The following REDIC1 variants were observed in gnomAD, a reference collection of about 807,000 sequenced individuals.
REDIC1 encodes HEI10 Interacting Protein 1.
the REDIC1 span, among the ~76,000 whole-genome samples, chr12:39,834,652 C>A: frequency 7.2e-5 from 11 of 151,918 alleles, no homozygotes; most frequent in African/African-American, 2.7e-4. Flanking sequence ...CTTTCCATTC[C>A]AAGGAGTGGG....
At chr12:39,815,726 A>C in the REDIC1 span, among the ~76,000 whole-genome samples, 13 of 152,350 alleles carry the variant, frequency 8.5e-5, no homozygotes, top group African/African-American at 3.1e-4. Context: ...GCAATAGCTG[A>C]AAAGTATCTT....
chr12:39,861,902 T>C, the REDIC1 span, among the ~76,000 whole-genome samples: 5 of 152,294 alleles, frequency 3.3e-5, no homozygotes, highest in South Asian at 1.0e-3. Context: ...CCAGGATACA[T>C]GTGCAGGACG....
chr12:39,634,520 AAAAC>A, the REDIC1 span, among the ~76,000 whole-genome samples: 5 of 152,222 alleles, frequency 3.3e-5, no homozygotes, highest in African/African-American at 1.2e-4. Context: ...AAACCTGACA[AAAAC>A]AAGCAATGGG....
chr12:39,822,407 T>C, the REDIC1 span, among the ~76,000 whole-genome samples: 1 of 152,178 alleles, frequency 6.6e-6, no homozygotes, highest in South Asian at 2.1e-4. Context: ...AAAAAACAAA[T>C]TAAAATATCT....
the REDIC1 span, among the ~76,000 whole-genome samples, chr12:39,804,086 C>T: frequency 6.6e-6 from 1 of 151,910 alleles, no homozygotes. Flanking sequence ...AATGTAAACA[C>T]ACGTGACTTG....
At chr12:39,868,870 A>T in the REDIC1 span, among the ~76,000 whole-genome samples, 4 of 152,212 alleles carry the variant, frequency 2.6e-5, no homozygotes, top group Non-Finnish European at 5.9e-5. Context: ...ACTTCTTTGT[A>T]TAAAGAGTTC....
the REDIC1 span, among the ~76,000 whole-genome samples, chr12:39,675,378 G>C: frequency 2.6e-5 from 4 of 151,856 alleles, no homozygotes; most frequent in African/African-American, 9.7e-5. Context: ...GGAACTCTAT[G>C]GCCCCACCTA....
the REDIC1 span, among the ~76,000 whole-genome samples, chr12:39,871,535 C>T: frequency 2.0e-5 from 3 of 151,834 alleles, no homozygotes; most frequent in Admixed American, 1.3e-4. Context: ...GAGTGGAACT[C>T]AAGTAACAGA....
At chr12:39,693,278 T>C in the REDIC1 span, among the ~76,000 whole-genome samples, 1 of 152,138 alleles carries the variant, frequency 6.6e-6, no homozygotes, top group Non-Finnish European at 1.5e-5. Context: ...AGGTATTCTA[T>C]GCTAGCATAG....
At chr12:39,902,093 CA>C in the REDIC1 span, among the ~76,000 whole-genome samples, 2 of 148,752 alleles carry the variant, frequency 1.3e-5, no homozygotes, top group Non-Finnish European at 3.0e-5. Flanking sequence ...ATCGCAAGGA[CA>C]AAAAACCAAA....
At chr12:39,716,785 A>C in the REDIC1 span, 1 of 1,603,538 alleles carries the variant, frequency 6.2e-7, no homozygotes, top group East Asian at 2.3e-5. Context: ...TAGTCGGTCT[A>C]CTAGTTACTC....
chr12:39,902,359 A>T, the REDIC1 span, among the ~76,000 whole-genome samples: 63 of 151,748 alleles, frequency 4.2e-4, no homozygotes, highest in African/African-American at 1.5e-3. Flanking sequence ...AATAAAAATT[A>T]AAAAAAAGAA....
At chr12:39,661,495 G>A in the REDIC1 span, among the ~76,000 whole-genome samples, 1 of 151,580 alleles carries the variant, frequency 6.6e-6, no homozygotes, top group Non-Finnish European at 1.5e-5. Context: ...ACTTTTTAAC[G>A]GGTTGTTTGT....
chr12:39,862,938 A>T, the REDIC1 span, among the ~76,000 whole-genome samples: 1 of 152,206 alleles, frequency 6.6e-6, no homozygotes, highest in South Asian at 2.1e-4. Flanking sequence ...AGAGGATTAT[A>T]GATGGTTTTA....
At chr12:39,743,519 C>G in the REDIC1 span, among the ~76,000 whole-genome samples, 1 of 152,104 alleles carries the variant, frequency 6.6e-6, no homozygotes, top group East Asian at 1.9e-4. Context: ...AGTCACGTAC[C>G]AGACTCAGAT....
At chr12:39,658,880 C>G in the REDIC1 span, among the ~76,000 whole-genome samples, 2 of 151,896 alleles carry the variant, frequency 1.3e-5, no homozygotes, top group African/African-American at 2.4e-5. Flanking sequence ...TATATTCGTA[C>G]ATTTATTTAT....
the REDIC1 span, chr12:39,716,899 A>C: frequency 3.4e-6 from 4 of 1,169,812 alleles, no homozygotes; most frequent in African/African-American, 4.9e-5. Context: ...TGTTTTTCTC[A>C]TAGTTTACCT....
At chr12:39,712,160 A>ATGTACATGTATATATACCTGTATGTATC in the REDIC1 span, among the ~76,000 whole-genome samples, 223 of 143,220 alleles carry the variant, frequency 1.6e-3, 4 homozygotes, top group Non-Finnish European at 2.8e-3. Context: ...ATACATGTAT[A>ATGTACATGTATATATACCTGTATGTATC]TGTACATGTA....
the REDIC1 span, among the ~76,000 whole-genome samples, chr12:39,642,202 CTTCTG>C: frequency 6.6e-6 from 1 of 151,748 alleles, no homozygotes; most frequent in Non-Finnish European, 1.5e-5. Flanking sequence ...TAGTTACATA[CTTCTG>C]TTCTTTCTTG....
Sources: allele counts gnomAD v4.1 joint callset (sites outside exome capture counted in the v4.1 genomes callset), GRCh38; gene constraint gnomAD v4.1.1; transcripts MANE v1.5; gene names NCBI Gene and HGNC (gene_info 2026-07-23, HGNC 2026-07-21).